Variants in C3orf33 observed in about 807,000 individuals in gnomAD.
The protein encoded by C3orf33 is AP-1 activity suppressor.
C3orf33 carries 23 observed loss-of-function variants against 28.7 expected under a neutral mutation model. The ratio of observed to expected loss-of-function variants is 0.80; its 90% CI spans 0.58 to 1.13. The LOEUF (loss-of-function observed/expected upper bound fraction) is 1.13, where lower values mean the gene tolerates loss of function less well. Among genes scored for constraint, C3orf33 ranks in the 50% most tolerant of loss-of-function variants. The pLI is 0.00. For missense variants in C3orf33, 327 were observed against 353.4 expected, an observed-to-expected ratio of 0.93 and a Z score of 0.60; for synonymous variants, 119 against 120.5, an observed-to-expected ratio of 0.99 and a Z score of 0.08.
chr3:155,766,971 A>G (rs1750427474), intron 4 of C3orf33, among the ~76,000 whole-genome samples: 1 of 151,420 alleles, frequency 6.6e-6, no homozygotes, highest in African/African-American at 2.4e-5. Context: ...ATCATAAACA[A>G]TAGGCCAGGC....
At chr3:155,784,405 C>T (rs1751036465) in intron 2 of C3orf33, among the ~76,000 whole-genome samples, 1 of 151,874 alleles carries the variant, frequency 6.6e-6, no homozygotes, top group African/African-American at 2.4e-5. Flanking sequence ...TAACCTAGAA[C>T]AAATAGTTAT....
chr3:155,805,508 C>A, intron 1 of C3orf33: 1 of 422,726 alleles, frequency 2.4e-6, no homozygotes, highest in South Asian at 1.7e-5. Context: ...TCACTTGAGG[C>A]CAGGAGTTGG....
At chr3:155,805,437 G>A (rs1751781325) in intron 1 of C3orf33, among the ~76,000 whole-genome samples, 1 of 151,584 alleles carries the variant, frequency 6.6e-6, no homozygotes, top group South Asian at 2.1e-4. Flanking sequence ...CACTCCAGGC[G>A]TGACAGAGGG....
intron 2 of C3orf33, among the ~76,000 whole-genome samples, chr3:155,778,180 T>C (rs1395443781): frequency 6.7e-6 from 1 of 149,542 alleles, no homozygotes; most frequent in East Asian, 1.9e-4. Context: ...GGGGTAATAT[T>C]CTTGATTAAA....
At chr3:155,775,620 CT>C (rs536905934) in intron 3 of C3orf33, 80 bp downstream of exon 3, 506 of 1,001,780 alleles carry the variant, frequency 5.1e-4, no homozygotes, top group Non-Finnish European at 6.5e-4. Context: ...ATTAAAATGA[CT>C]TTTTTTTGCT....
intron 3 of C3orf33, among the ~76,000 whole-genome samples, chr3:155,769,584 G>A (rs576536156): frequency 1.3e-5 from 2 of 152,066 alleles, no homozygotes; most frequent in Admixed American, 6.5e-5. Flanking sequence ...TTAGATTAAG[G>A]CAGTATATCC....
At chr3:155,786,232 C>A (rs1419521333) in intron 2 of C3orf33, among the ~76,000 whole-genome samples, 1 of 151,630 alleles carries the variant, frequency 6.6e-6, no homozygotes, top group Admixed American at 6.6e-5. Context: ...AAAGGCCACA[C>A]TAAACCCAAA....
chr3:155,779,185 A>C (rs898679987), intron 2 of C3orf33, among the ~76,000 whole-genome samples: 2 of 152,214 alleles, frequency 1.3e-5, no homozygotes, highest in African/African-American at 4.8e-5. Flanking sequence ...ACCACCAAAA[A>C]AAGTTCAACC....
At chr3:155,800,757 A>C (rs1020675428) in intron 2 of C3orf33, among the ~76,000 whole-genome samples, 4 of 152,010 alleles carry the variant, frequency 2.6e-5, no homozygotes, top group African/African-American at 4.8e-5. Context: ...CCCCATTCAA[A>C]AAGGGGCAAA....
intron 3 of C3orf33, among the ~76,000 whole-genome samples, chr3:155,773,885 C>T (rs912714090): frequency 1.3e-4 from 20 of 152,180 alleles, no homozygotes; most frequent in African/African-American, 4.8e-4. Flanking sequence ...CAAAGGCCAT[C>T]CTTGGTAATC....
chr3:155,780,833 T>G (rs1303675630), intron 2 of C3orf33, among the ~76,000 whole-genome samples: 3 of 152,222 alleles, frequency 2.0e-5, no homozygotes, highest in Non-Finnish European at 2.9e-5. Flanking sequence ...TTGTGGTTGG[T>G]ACTGTCCTTT....
intron 2 of C3orf33, among the ~76,000 whole-genome samples, chr3:155,802,219 A>C (rs1751669733): frequency 6.6e-6 from 1 of 152,268 alleles, no homozygotes; most frequent in South Asian, 2.1e-4. Context: ...AAACACTTTA[A>C]GATATTCTAC....
At chr3:155,774,275 G>A (rs1048632452) in intron 3 of C3orf33, among the ~76,000 whole-genome samples, 3 of 152,188 alleles carry the variant, frequency 2.0e-5, no homozygotes, top group Admixed American at 2.0e-4. Flanking sequence ...AGAAAAAGGT[G>A]AATAAGTACT....
chr3:155,802,207 G>A (rs1751669423), intron 2 of C3orf33, among the ~76,000 whole-genome samples: 1 of 152,186 alleles, frequency 6.6e-6, no homozygotes, highest in Admixed American at 6.5e-5. Context: ...AGCACCACAA[G>A]AAAACACTTT....
intron 2 of C3orf33, among the ~76,000 whole-genome samples, chr3:155,782,948 T>C (rs1408958370): frequency 6.6e-6 from 1 of 152,234 alleles, no homozygotes; most frequent in African/African-American, 2.4e-5. Context: ...ATCTGAAATC[T>C]GAACTGCTCC....
intron 2 of C3orf33, among the ~76,000 whole-genome samples, chr3:155,798,516 G>A (rs1212085274): frequency 6.6e-6 from 1 of 152,182 alleles, no homozygotes; most frequent in Non-Finnish European, 1.5e-5. Context: ...ACATAAGTTG[G>A]AGAAAGGGCA....
chr3:155,780,782 T>G (rs1750894887), intron 2 of C3orf33, among the ~76,000 whole-genome samples: 1 of 152,180 alleles, frequency 6.6e-6, no homozygotes, highest in African/African-American at 2.4e-5. Context: ...AAAATTCTGC[T>G]GAAGGCTTCT....
At chr3:155,804,497 G>A (rs1367856736) in intron 1 of C3orf33, among the ~76,000 whole-genome samples, 1 of 152,190 alleles carries the variant, frequency 6.6e-6, no homozygotes, top group Non-Finnish European at 1.5e-5. Context: ...CATGGCTTTG[G>A]ACTTTGTGCT....
intron 2 of C3orf33, among the ~76,000 whole-genome samples, chr3:155,789,517 A>T (rs1389008914): frequency 6.6e-6 from 1 of 152,204 alleles, no homozygotes; most frequent in African/African-American, 2.4e-5. Context: ...GGAAAATTTA[A>T]TATTGTTTAA....
Sources: allele counts gnomAD v4.1 joint callset (sites outside exome capture counted in the v4.1 genomes callset), GRCh38; gene constraint gnomAD v4.1.1; transcripts MANE v1.5; gene names NCBI Gene and HGNC (gene_info 2026-07-23, HGNC 2026-07-21).